Variants in RERE observed in about 807,000 individuals in gnomAD.
RERE encodes the protein arginine-glutamic acid dipeptide repeats, also known as arginine-glutamic acid dipeptide repeats protein.
In RERE, 40 loss-of-function variants were observed where a neutral mutation model predicts 146.1. The observed-to-expected ratio is 0.27, with a 90% CI of 0.21 to 0.36. The LOEUF (loss-of-function observed/expected upper bound fraction) is 0.36, where lower values mean the gene tolerates loss of function less well. Among genes scored for constraint, RERE ranks in the 10% least tolerant of loss-of-function variants. The pLI, the probability that RERE is intolerant of heterozygous loss-of-function variation, is 1.00. For missense variants in RERE, 1,933 were observed against 2,138.7 expected, an observed-to-expected ratio of 0.90 and a Z score of 1.90; for synonymous variants, 1,003 against 866.0, an observed-to-expected ratio of 1.16 and a Z score of -2.78.
At chr1:8,365,253 C>T (rs1228512004) in intron 13 of RERE, among the ~76,000 whole-genome samples, 3 of 152,174 alleles carry the variant, frequency 2.0e-5, no homozygotes, top group South Asian at 2.1e-4. Flanking sequence ...GCAACACCGG[C>T]GCCCCTCAGG....
chr1:8,765,080 C>A (rs898712372), intron 1 of RERE, among the ~76,000 whole-genome samples: 7 of 151,996 alleles, frequency 4.6e-5, no homozygotes, highest in Non-Finnish European at 7.4e-5. Flanking sequence ...TTTTTAACAG[C>A]CAAAAAGTAG....
chr1:8,737,025 T>C (rs1640215593), intron 1 of RERE, among the ~76,000 whole-genome samples: 1 of 152,200 alleles, frequency 6.6e-6, no homozygotes, highest in Non-Finnish European at 1.5e-5. Context: ...GTATTCCTCT[T>C]TCCTCTGAAG....
intron 20 of RERE, among the ~76,000 whole-genome samples, chr1:8,357,567 T>C (rs1641346538): frequency 6.6e-6 from 1 of 152,100 alleles, no homozygotes; most frequent in Admixed American, 6.5e-5. Flanking sequence ...GTAAGCACAG[T>C]AGCCACCCCC....
chr1:8,773,544 A>T (rs942386132), intron 1 of RERE, among the ~76,000 whole-genome samples: 1 of 152,080 alleles, frequency 6.6e-6, no homozygotes, highest in African/African-American at 2.4e-5. Context: ...TACAAAAATT[A>T]GCTGGGCACG....
At chr1:8,640,284 T>A (rs192561270) in intron 2 of RERE, among the ~76,000 whole-genome samples, 36 of 152,232 alleles carry the variant, frequency 2.4e-4, no homozygotes, top group African/African-American at 8.4e-4. Flanking sequence ...CTTTTTTTTT[T>A]AAACTATATG....
At chr1:8,607,053 C>T (rs1031460070) in intron 4 of RERE, among the ~76,000 whole-genome samples, 7 of 151,994 alleles carry the variant, frequency 4.6e-5, no homozygotes, top group African/African-American at 9.7e-5. Context: ...CCATTGAAGG[C>T]CTTGATATTT....
Position 8,766,546 on chromosome 1 carries a change from C to T in RERE, c.-145+50614G>A, listed in dbSNP as rs1240846302. Among the ~76,000 whole-genome samples the T allele has an allele frequency of 9.1e-5, 6 of 66,022 alleles. No homozygotes were observed. In the Admixed American group the frequency reaches 9.3e-4, roughly 10 times the overall value. The allele number at this position is 66,022 out of a possible 152,430, so 43.3% of individuals were successfully genotyped here. A position where few individuals can be genotyped will look rare whatever the true frequency, so the allele number is the denominator to read the frequency against. On this transcript the variant is annotated intron_variant, in intron 1 of 22. Transcript: ENST00000400908. ...TAGGCAACACAGCAAGACTCCATTG[C>T]AAAAAAAAAAAAAAAAAGAAAAGAA...
Position 8,358,610 on chromosome 1 carries a change from T to TCTCCCGCTCCCGGAG in RERE, c.3910_3924dup (p.Leu1304_Glu1308dup), listed in dbSNP as rs754280682. The stretch of plus-strand genomic sequence containing the variant: ...CGCTCTCGGATCTCCCGCTCTCGGA[T>TCTCCCGCTCCCGGAG]CTCCCGCTCCCGGAGCTCCCGCTCG... On this transcript the variant is annotated inframe_insertion, in exon 20 of 23. Transcript: ENST00000400908. 2.5e-6 allele frequency: 4 copies of TCTCCCGCTCCCGGAG among 1,596,366 alleles called. No individual in the cohort carries two copies. The highest frequency in any genetic ancestry group is 2.3e-5 in the South Asian group (2 of 87,812).
At chr1:8,466,344 C>T (rs1377491139) in intron 10 of RERE, among the ~76,000 whole-genome samples, 3 of 152,146 alleles carry the variant, frequency 2.0e-5, no homozygotes, top group Non-Finnish European at 4.4e-5. Flanking sequence ...ACATTCCATG[C>T]AATCATTATC....
At chr1:8,713,252 T>C (rs2124461577) in intron 1 of RERE, among the ~76,000 whole-genome samples, 1 of 152,328 alleles carries the variant, frequency 6.6e-6, no homozygotes, top group East Asian at 1.9e-4. Flanking sequence ...GTGCTTGCCA[T>C]TTGATACAAG....
intron 17 of RERE, 29 bp from the exon 18 acceptor site, chr1:8,361,519 T>A (rs771112264): frequency 3.1e-6 from 5 of 1,605,464 alleles, no homozygotes; most frequent in Middle Eastern, 1.6e-4. Flanking sequence ...AGGATGGAAG[T>A]CCCAGGAGGG....
At chr1:8,647,065 G>A (rs993360580) in intron 2 of RERE, among the ~76,000 whole-genome samples, 1 of 152,144 alleles carries the variant, frequency 6.6e-6, no homozygotes, top group African/African-American at 2.4e-5. Flanking sequence ...CATCCTGGGC[G>A]ACCCTGTCTC....
At chr1:8,650,667 G>A (rs1202547505) in intron 2 of RERE, among the ~76,000 whole-genome samples, 8 of 152,064 alleles carry the variant, frequency 5.3e-5, no homozygotes, top group African/African-American at 1.9e-4. Context: ...AGGAGGCCGG[G>A]GCGGGCAGAT....
chr1:8,770,283 C>A (rs1640919666), intron 1 of RERE, among the ~76,000 whole-genome samples: 1 of 151,948 alleles, frequency 6.6e-6, no homozygotes, highest in Admixed American at 6.6e-5. Flanking sequence ...GGTACAGTAC[C>A]TGACACAGAA....
intron 12 of RERE, among the ~76,000 whole-genome samples, chr1:8,373,940 T>C (rs17032503): frequency 0.026 from 3,913 of 152,318 alleles, 180 homozygotes; most frequent in African/African-American, 0.089. Flanking sequence ...GCTCCTTCTT[T>C]TGTTAACCAA....
At chr1:8,685,199 G>A (rs1017588079) in intron 1 of RERE, among the ~76,000 whole-genome samples, 6 of 152,166 alleles carry the variant, frequency 3.9e-5, no homozygotes, top group African/African-American at 1.4e-4. Context: ...CTTCCATAGA[G>A]AGGAACTTTT....
intron 4 of RERE, among the ~76,000 whole-genome samples, chr1:8,606,418 A>G (rs1327640413): frequency 6.6e-6 from 1 of 152,218 alleles, no homozygotes; most frequent in Non-Finnish European, 1.5e-5. Flanking sequence ...GGCTAGTAGT[A>G]CTAATATACA....
At chr1:8,472,695 C>G (rs913783478) in intron 10 of RERE, among the ~76,000 whole-genome samples, 33 of 152,194 alleles carry the variant, frequency 2.2e-4, no homozygotes, top group Admixed American at 2.2e-3. Flanking sequence ...AAGCAGGGAC[C>G]AAGATAAAGC....
chr1:8,612,892 T>G (rs1209391248), intron 4 of RERE, among the ~76,000 whole-genome samples: 1 of 152,228 alleles, frequency 6.6e-6, no homozygotes, highest in East Asian at 1.9e-4. Context: ...TTATCTATAC[T>G]ACACTGGGTT....
Sources: allele counts gnomAD v4.1 joint callset (sites outside exome capture counted in the v4.1 genomes callset), GRCh38; gene constraint gnomAD v4.1.1; transcripts MANE v1.5; gene names NCBI Gene and HGNC (gene_info 2026-07-23, HGNC 2026-07-21).